The following ANO4 variants were observed in gnomAD, a reference collection of about 807,000 sequenced individuals.
ANO4 encodes the protein anoctamin-4.
In ANO4, 69 loss-of-function variants were observed where a neutral mutation model predicts 141.9. That is an observed-to-expected ratio of 0.49 (90% CI 0.40 to 0.59). The LOEUF (loss-of-function observed/expected upper bound fraction) is 0.59, where lower values mean the gene tolerates loss of function less well. Ranked by LOEUF, ANO4 falls within the 20% of genes least tolerant of loss-of-function variation. The pLI, the probability that ANO4 is intolerant of heterozygous loss-of-function variation, is 0.00. For synonymous variants in ANO4, 350 were observed against 394.3 expected (o/e 0.89, Z 1.33); for missense variants, 894 against 1,162.2 (o/e 0.77, Z 3.36).
At chr12:101,120,060 T>C (rs1260192296) in intron 25 of ANO4, among the ~76,000 whole-genome samples, 1 of 152,224 alleles carries the variant, frequency 6.6e-6, no homozygotes, top group Non-Finnish European at 1.5e-5. Context: ...TGAGCTTCAG[T>C]AATGGCCGGA....
At chr12:100,924,924 G>C (rs2041800263) in intron 3 of ANO4, among the ~76,000 whole-genome samples, 1 of 152,032 alleles carries the variant, frequency 6.6e-6, no homozygotes, top group Admixed American at 6.6e-5. Context: ...GATGTTAACT[G>C]TTCTGTAGTT....
rs1443528793 is a variant in ANO4 at position 100,974,945 on chromosome 12, C to G, written c.602+56C>G. The G allele has an allele frequency of 8.2e-6, 13 of 1,581,892 alleles. No individual in the cohort carries two copies. In the Admixed American group the frequency reaches 2.2e-4, roughly 26 times the overall value. On this transcript the variant is annotated intron_variant, in intron 7 of 27. Coordinates refer to ENST00000392977, the MANE Select transcript of ANO4 (RefSeq NM_001286615.2). Reference sequence around the variant, plus strand: ...TGTCTTTCTGTTGGCCCGTGTGCTCCAACAATGACAAGGAGCTATAAGCTG... The same window carrying G: ...TGTCTTTCTGTTGGCCCGTGTGCTCGAACAATGACAAGGAGCTATAAGCTG...
intron 8 of ANO4, 90 bp from the exon 9 acceptor site, chr12:101,019,944 T>G: frequency 1.0e-6 from 1 of 983,082 alleles, no homozygotes; most frequent in South Asian, 1.4e-5. Context: ...ACTGAAGACA[T>G]CTGCATCTGA....
chr12:100,910,753 TC>T (rs1351097341), intron 2 of ANO4, among the ~76,000 whole-genome samples: 3 of 152,192 alleles, frequency 2.0e-5, no homozygotes, highest in Non-Finnish European at 4.4e-5. Context: ...TTTTTCCTTA[TC>T]TGTTAGACCC....
At chr12:100,870,462 T>G (rs821867) in intron 1 of ANO4, among the ~76,000 whole-genome samples, 105,665 of 151,974 alleles carry the variant, frequency 0.7, 36,808 homozygotes, top group Middle Eastern at 0.77. Context: ...TTCATTATTT[T>G]TTTTTACATC....
intron 15 of ANO4, among the ~76,000 whole-genome samples, chr12:101,083,446 A>C (rs1228153969): frequency 6.6e-6 from 1 of 152,186 alleles, no homozygotes; most frequent in Non-Finnish European, 1.5e-5. Flanking sequence ...TGTAACTGTT[A>C]GTCCAAATTT....
intron 3 of ANO4, among the ~76,000 whole-genome samples, chr12:100,755,580 A>T (rs2032570407): frequency 6.6e-6 from 1 of 152,230 alleles, no homozygotes; most frequent in South Asian, 2.1e-4. Context: ...CCTGAAGCTA[A>T]TGCTGTGTCC....
At chr12:100,826,104 G>C (rs898838768) in intron 1 of ANO4, among the ~76,000 whole-genome samples, 3 of 151,918 alleles carry the variant, frequency 2.0e-5, no homozygotes, top group Non-Finnish European at 4.4e-5. Flanking sequence ...GCTCTTTTGT[G>C]GTTGATGTGG....
intron 1 of ANO4, among the ~76,000 whole-genome samples, chr12:100,880,195 T>A (rs1204681515): frequency 6.6e-6 from 1 of 152,020 alleles, no homozygotes; most frequent in African/African-American, 2.4e-5. Flanking sequence ...GAGGTCAGAG[T>A]TTGAAGAACA....
intron 1 of ANO4, among the ~76,000 whole-genome samples, chr12:100,717,926 AC>A (rs1226834600): frequency 6.6e-6 from 1 of 152,108 alleles, no homozygotes; most frequent in Non-Finnish European, 1.5e-5. Flanking sequence ...TCCCTGACTG[AC>A]CTTGGGCAAG....
intron 8 of ANO4, among the ~76,000 whole-genome samples, chr12:100,998,847 T>A (rs1465817997): frequency 6.6e-6 from 1 of 152,202 alleles, no homozygotes; most frequent in Non-Finnish European, 1.5e-5. Context: ...CCATATGAAA[T>A]TTATTATAGG....
At chr12:100,992,225 A>G (rs932312692) in intron 8 of ANO4, among the ~76,000 whole-genome samples, 2 of 152,168 alleles carry the variant, frequency 1.3e-5, no homozygotes, top group African/African-American at 2.4e-5. Flanking sequence ...ATGTCACTTC[A>G]TTCTCTTTAA....
intron 13 of ANO4, 137 bp from the exon 14 acceptor site, chr12:101,048,204 G>A: frequency 9.3e-7 from 1 of 1,074,658 alleles, no homozygotes; most frequent in Non-Finnish European, 1.3e-6. Context: ...TGGTTCAAAA[G>A]GAATATTCCC....
chr12:101,117,733 C>T (rs1298398576), intron 25 of ANO4, among the ~76,000 whole-genome samples: 1 of 152,100 alleles, frequency 6.6e-6, no homozygotes, highest in Non-Finnish European at 1.5e-5. Context: ...TTGGAGATTC[C>T]CTATCATGAC....
intron 18 of ANO4, 97 bp downstream of exon 18, chr12:101,094,389 C>A: frequency 1.0e-6 from 1 of 964,986 alleles, no homozygotes. Flanking sequence ...AGAAATAGTC[C>A]CTTTATTTTA....
upstream of ANO4, among the ~76,000 whole-genome samples, chr12:100,717,335 CG>C (rs2030638428): frequency 6.6e-6 from 1 of 151,400 alleles, no homozygotes; most frequent in African/African-American, 2.4e-5. Flanking sequence ...GCAGCCCGGC[CG>C]GGGGCCCCCG....
intron 1 of ANO4, among the ~76,000 whole-genome samples, chr12:100,800,564 ATAT>A (rs1171997819): frequency 1.3e-5 from 2 of 152,248 alleles, no homozygotes; most frequent in Non-Finnish European, 2.9e-5. Context: ...ATTTTCGAAG[ATAT>A]TATTTTTAGC....
chr12:100,719,639 CAG>C (rs1383301993), intron 1 of ANO4, among the ~76,000 whole-genome samples: 10 of 152,132 alleles, frequency 6.6e-5, no homozygotes, highest in Non-Finnish European at 1.5e-4. Flanking sequence ...ATCTTTAGCA[CAG>C]GGGCTGCCAA....
At chr12:100,805,864 A>G (rs1254451246) in intron 1 of ANO4, among the ~76,000 whole-genome samples, 4 of 152,166 alleles carry the variant, frequency 2.6e-5, no homozygotes, top group African/African-American at 7.2e-5. Flanking sequence ...TAGAACCTAA[A>G]CAGTGGAATT....
Sources: gnomAD v4.1 joint callset for allele counts (sites outside exome capture counted in the v4.1 genomes callset) on GRCh38, gnomAD v4.1.1 for gene constraint, MANE v1.5 for transcripts, NCBI Gene and HGNC (gene_info 2026-07-23, HGNC 2026-07-21) for gene names.